The following SLC2A9 variants were observed in gnomAD, a reference collection of about 807,000 sequenced individuals.
SLC2A9 encodes solute carrier family 2, facilitated glucose transporter member 9.
A neutral mutation model predicts 50.6 loss-of-function variants in SLC2A9; 39 were observed. The ratio of observed to expected loss-of-function variants is 0.77; its 90% CI spans 0.60 to 1.01. The LOEUF (loss-of-function observed/expected upper bound fraction) is 1.01. SLC2A9 is among the 50% of genes least tolerant of loss of function. The pLI is 0.00. For synonymous variants in SLC2A9, 324 were observed against 276.9 expected (o/e 1.17, Z -1.69); for missense variants, 686 against 677.6 (o/e 1.01, Z -0.14).
downstream of SLC2A9, among the ~76,000 whole-genome samples, chr4:9,795,493 C>A (rs1200765978): frequency 6.6e-6 from 1 of 152,216 alleles, no homozygotes; most frequent in East Asian, 1.9e-4. Flanking sequence ...CAAGTCCCCA[C>A]ATTCCCTCTA....
intron 7 of SLC2A9, among the ~76,000 whole-genome samples, chr4:9,912,533 C>T (rs1742043671): frequency 6.6e-6 from 1 of 152,138 alleles, no homozygotes; most frequent in African/African-American, 2.4e-5. Context: ...CAAAGTGTAA[C>T]ATACATAATC....
intron 7 of SLC2A9, among the ~76,000 whole-genome samples, chr4:9,919,205 C>G (rs1037368020): frequency 9.2e-5 from 14 of 152,134 alleles, no homozygotes; most frequent in Non-Finnish European, 1.6e-4. Context: ...ACCTCGGTCT[C>G]GTCAACAGGA....
At position 9,829,924 on chromosome 4, in the gene SLC2A9, A is replaced by G. The variant is rs149956405; in HGVS notation, c.1420-3324T>C. ...TTCTACATTGTTGGTGGGAGTTTAA[A>G]TTAGTTCAATCATTGTGAAAAACAG... is the stretch of plus-strand genomic sequence containing the variant. On this transcript the variant is annotated intron_variant, in intron 11 of 11. Transcript: ENST00000264784. 5.8e-3 allele frequency among the ~76,000 whole-genome samples: 878 copies of G among 152,350 alleles called. 9 individuals carry two copies. Among genetic ancestry groups the G allele is most frequent in the African/African-American group, 0.02 (827 of 41,576 alleles).
At chr4:9,949,568 G>C (rs1231069849) in intron 5 of SLC2A9, among the ~76,000 whole-genome samples, 1 of 152,206 alleles carries the variant, frequency 6.6e-6, no homozygotes, top group Non-Finnish European at 1.5e-5. Context: ...GGGTCTGGCA[G>C]AACAAGAGCC....
At chr4:9,896,310 T>C (rs116633448) in intron 8 of SLC2A9, among the ~76,000 whole-genome samples, 116 of 152,346 alleles carry the variant, frequency 7.6e-4, no homozygotes, top group African/African-American at 2.6e-3. Flanking sequence ...TGGTGAACAA[T>C]GGTATCTCAC....
intron 10 of SLC2A9, among the ~76,000 whole-genome samples, chr4:9,883,259 A>G (rs1184609725): frequency 1.3e-5 from 2 of 152,230 alleles, no homozygotes; most frequent in East Asian, 1.9e-4. Flanking sequence ...TAAGTGATCA[A>G]TAAAAGTTAT....
intron 7 of SLC2A9, among the ~76,000 whole-genome samples, chr4:9,910,893 T>C (rs1254216919): frequency 6.7e-6 from 1 of 150,262 alleles, no homozygotes; most frequent in Non-Finnish European, 1.5e-5. Flanking sequence ...CAAACTAACA[T>C]AAGAACAGAA....
At chr4:9,925,133 C>T (rs1055040282) in intron 6 of SLC2A9, among the ~76,000 whole-genome samples, 4 of 152,240 alleles carry the variant, frequency 2.6e-5, no homozygotes, top group Non-Finnish European at 5.9e-5. Context: ...GTCCTCCATT[C>T]CACATACCCC....
intron 1 of SLC2A9, chr4:10,034,567 G>A (rs187383878): frequency 2.0e-4 from 31 of 152,384 alleles, no homozygotes; most frequent in African/African-American, 6.3e-4. Flanking sequence ...TGCAGGACTC[G>A]CGGCCAGGCT....
At chr4:9,810,712 A>C (rs779985718) in intron 3 of SLC2A9, among the ~76,000 whole-genome samples, 3 of 152,260 alleles carry the variant, frequency 2.0e-5, no homozygotes, top group Non-Finnish European at 4.4e-5. Flanking sequence ...AAAAAGGCAC[A>C]TGGGTTAACT....
At chr4:9,956,584 T>TA (rs903758875) in intron 5 of SLC2A9, among the ~76,000 whole-genome samples, 7 of 152,216 alleles carry the variant, frequency 4.6e-5, no homozygotes, top group Non-Finnish European at 8.8e-5. Flanking sequence ...AGAGCTTTGT[T>TA]ACCAGCGGCG....
chr4:10,035,075 G>C (rs1202016190), intron 1 of SLC2A9: 1 of 152,272 alleles, frequency 6.6e-6, no homozygotes, highest in African/African-American at 2.4e-5. Context: ...TCTGGTGCAG[G>C]ACGTTTCACC....
At chr4:9,792,163 CT>C (rs34289788) in intron 3 of SLC2A9, among the ~76,000 whole-genome samples, 5,338 of 77,306 alleles carry the variant, frequency 0.069, 137 homozygotes, top group East Asian at 0.25. Context: ...TTCTATGTTT[CT>C]TTTTTTTTTT....
At chr4:9,934,129 G>A (rs957459918) in intron 6 of SLC2A9, among the ~76,000 whole-genome samples, 10 of 152,154 alleles carry the variant, frequency 6.6e-5, no homozygotes, top group Admixed American at 2.0e-4. Flanking sequence ...ACATCTTTCA[G>A]GGTGGGGTGG....
upstream of SLC2A9, among the ~76,000 whole-genome samples, chr4:10,024,791 G>A (rs898374333): frequency 4.6e-5 from 7 of 152,348 alleles, no homozygotes; most frequent in East Asian, 1.2e-3. Context: ...CTTGGACAAG[G>A]TGGAAGTTTT....
chr4:9,942,218 T>C (rs948175671), intron 5 of SLC2A9, among the ~76,000 whole-genome samples, 173 bp from the exon 6 acceptor site: 5 of 152,142 alleles, frequency 3.3e-5, no homozygotes, highest in Non-Finnish European at 5.9e-5. Context: ...GTCCCACGTA[T>C]ATAGCATTTT....
At chr4:9,897,512 T>C (rs1291496254) in intron 8 of SLC2A9, among the ~76,000 whole-genome samples, 1 of 152,140 alleles carries the variant, frequency 6.6e-6, no homozygotes, top group Non-Finnish European at 1.5e-5. Context: ...TCTTTATTTT[T>C]AGGTGATTCA....
downstream of SLC2A9, among the ~76,000 whole-genome samples, chr4:9,798,120 G>A (rs1720821374): frequency 6.6e-6 from 1 of 152,216 alleles, no homozygotes; most frequent in Non-Finnish European, 1.5e-5. Context: ...TAGTCAGGAT[G>A]GGTCTGGTGC....
chr4:9,872,437 T>C (rs1733600374), intron 10 of SLC2A9, among the ~76,000 whole-genome samples: 2 of 152,190 alleles, frequency 1.3e-5, no homozygotes, highest in Admixed American at 1.3e-4. Flanking sequence ...AGAAACCCAG[T>C]CTGTGAATGT....
Sources: gnomAD v4.1 joint callset for allele counts (sites outside exome capture counted in the v4.1 genomes callset) on GRCh38, gnomAD v4.1.1 for gene constraint, MANE v1.5 for transcripts, NCBI Gene and HGNC (gene_info 2026-07-23, HGNC 2026-07-21) for gene names.